LRP1B: variants seen among roughly 807,000 people sequenced by gnomAD.
LRP1B encodes low-density lipoprotein receptor-related protein 1B.
In LRP1B, 217 loss-of-function variants were observed where a neutral mutation model predicts 556.6. The observed-to-expected ratio is 0.39, with a 90% confidence interval of 0.35 to 0.44. The LOEUF (loss-of-function observed/expected upper bound fraction) is 0.44. Among genes scored for constraint, LRP1B ranks in the 20% least tolerant of loss-of-function variants. LRP1B has a pLI of 1.00. For missense variants in LRP1B, 5,053 were observed against 5,620.8 expected (o/e 0.90, Z 3.23); for synonymous variants, 2,047 against 1,865.8 (o/e 1.10, Z -2.50).
intron 1 of LRP1B, among the ~76,000 whole-genome samples, chr2:142,126,227 C>T (rs958127159): frequency 2.4e-4 from 37 of 151,320 alleles, no homozygotes; most frequent in African/African-American, 8.2e-4. Flanking sequence ...ATATTATATG[C>T]TATGAGTCAA....
intron 86 of LRP1B, among the ~76,000 whole-genome samples, chr2:140,252,714 A>C (rs1050294893): frequency 4.6e-5 from 7 of 152,100 alleles, no homozygotes; most frequent in African/African-American, 1.7e-4. Context: ...GAATTATCAC[A>C]CTGCCTTGGA....
At chr2:141,934,552 A>T (rs1700583676) in intron 1 of LRP1B, among the ~76,000 whole-genome samples, 4 of 152,060 alleles carry the variant, frequency 2.6e-5, no homozygotes, top group African/African-American at 7.2e-5. Context: ...TTACCCATTG[A>T]TATGGTTTGG....
chr2:140,613,339 A>ATAAT (rs1683136651), intron 41 of LRP1B, among the ~76,000 whole-genome samples: 1 of 141,980 alleles, frequency 7.0e-6, no homozygotes, highest in Non-Finnish European at 1.5e-5. Context: ...ATAATTATAT[A>ATAAT]CATATAAATA....
At chr2:140,721,596 G>T (rs1286903265) in intron 35 of LRP1B, among the ~76,000 whole-genome samples, 1 of 136,714 alleles carries the variant, frequency 7.3e-6, no homozygotes, top group Admixed American at 7.9e-5. Flanking sequence ...CGCCCAGCCT[G>T]GAGTGCAGTG....
intron 41 of LRP1B, among the ~76,000 whole-genome samples, chr2:140,685,239 G>A (rs1207508447): frequency 6.6e-6 from 1 of 152,100 alleles, no homozygotes; most frequent in Non-Finnish European, 1.5e-5. Flanking sequence ...TTACATGCTG[G>A]CTAGATTCTA....
intron 60 of LRP1B, among the ~76,000 whole-genome samples, chr2:140,473,629 C>G (rs915982719): frequency 4.6e-5 from 7 of 151,814 alleles, no homozygotes; most frequent in Non-Finnish European, 1.0e-4. Context: ...GCTATTCAGA[C>G]TTCAAAGACT....
At chr2:141,402,455 T>C (rs1365035172) in intron 3 of LRP1B, among the ~76,000 whole-genome samples, 1 of 152,016 alleles carries the variant, frequency 6.6e-6, no homozygotes, top group Non-Finnish European at 1.5e-5. Context: ...ATGAGACCAG[T>C]CAACCAAAAA....
At chr2:140,478,824 C>T (rs760539320) in intron 59 of LRP1B, among the ~76,000 whole-genome samples, 11 of 151,922 alleles carry the variant, frequency 7.2e-5, no homozygotes, top group East Asian at 1.9e-4. Flanking sequence ...ATGAAACAAA[C>T]GTAGAACATT....
intron 28 of LRP1B, 132 bp from the exon 29 acceptor site, chr2:140,850,461 C>T: frequency 3.5e-6 from 2 of 578,696 alleles, no homozygotes; most frequent in Non-Finnish European, 3.0e-6. Context: ...GGAAACAATG[C>T]AGTAACAATT....
chr2:140,272,536 G>T (rs987280414), intron 85 of LRP1B, among the ~76,000 whole-genome samples: 1 of 151,904 alleles, frequency 6.6e-6, no homozygotes, highest in African/African-American at 2.4e-5. Flanking sequence ...TTCATAGGCT[G>T]TGTATTAGAA....
rs1268779084 is a variant in LRP1B, at chr2:142,087,009, G to A, written c.82+43639C>T. Among the ~76,000 whole-genome samples the A allele has an allele frequency of 3.3e-5, 5 of 152,048 alleles. No individual in the cohort carries two copies. In the East Asian group the frequency reaches 9.6e-4, roughly 29 times the overall value. ...TCCTTCTGTGATTTTTCACATTGCAGGAGAGTGTTGATCTCTCGTTAGCTG... is the reference window on the plus strand; with the variant it reads ...TCCTTCTGTGATTTTTCACATTGCAAGAGAGTGTTGATCTCTCGTTAGCTG... On this transcript the variant is annotated intron_variant, in intron 1 of 90. Transcript: ENST00000389484.
chr2:141,221,203 G>A (rs1683022417), intron 6 of LRP1B, among the ~76,000 whole-genome samples: 1 of 151,404 alleles, frequency 6.6e-6, no homozygotes, highest in African/African-American at 2.4e-5. Context: ...AAGGGATGGA[G>A]GAAAATTTAT....
chr2:141,127,912 C>T (rs1701256190), intron 7 of LRP1B, among the ~76,000 whole-genome samples: 1 of 152,224 alleles, frequency 6.6e-6, no homozygotes, highest in Non-Finnish European at 1.5e-5. Flanking sequence ...CCTTGACTTA[C>T]ATGAGTCCAC....
At chr2:140,560,620 G>T (rs1574080313) in intron 43 of LRP1B, among the ~76,000 whole-genome samples, 1 of 152,040 alleles carries the variant, frequency 6.6e-6, no homozygotes, top group East Asian at 1.9e-4. Context: ...CAGAATTAAA[G>T]AACCTAAATA....
chr2:140,748,767 G>A (rs1559094543), intron 35 of LRP1B, among the ~76,000 whole-genome samples: 1 of 64,068 alleles, frequency 1.6e-5, no homozygotes, highest in Admixed American at 2.0e-4. Context: ...TTATATACAT[G>A]TATATAATAT....
At chr2:141,308,970 A>C (rs1686706051) in intron 3 of LRP1B, among the ~76,000 whole-genome samples, 1 of 152,220 alleles carries the variant, frequency 6.6e-6, no homozygotes, top group African/African-American at 2.4e-5. Flanking sequence ...GATATCAAAT[A>C]ATAAGGATTA....
At chr2:140,869,795 A>G (rs1312409208) in intron 25 of LRP1B, among the ~76,000 whole-genome samples, 1 of 152,104 alleles carries the variant, frequency 6.6e-6, no homozygotes, top group Non-Finnish European at 1.5e-5. Flanking sequence ...GGTTCCACTA[A>G]GTGAAAGGGA....
chr2:141,201,324 A>G lies in LRP1B; in HGVS notation c.851-12741T>C, dbSNP rs188881269. On this transcript the variant is annotated intron_variant, in intron 6 of 90. Coordinates refer to ENST00000389484, the MANE Select transcript of LRP1B (RefSeq NM_018557.3). ...TCCACTTATGCGTTAAAACTGCCAC[A>G]TCTTTTTACAGCCTTGCTGCTTGTG... is the stretch of plus-strand genomic sequence containing the variant. Among the ~76,000 whole-genome samples, 43 of 152,270 alleles carry G rather than the reference A, an allele frequency of 2.8e-4. No homozygotes were observed. In the East Asian group the frequency reaches 7.0e-3, roughly 25 times the overall value.
chr2:140,371,343 T>TA, intron 69 of LRP1B, 58 bp from the exon 70 acceptor site: 1 of 846,586 alleles, frequency 1.2e-6, no homozygotes, highest in Non-Finnish European at 1.8e-6. Flanking sequence ...GTTTTAGAAA[T>TA]AAAAACATAA....
Sources: gnomAD v4.1 joint callset for allele counts (sites outside exome capture counted in the v4.1 genomes callset) on GRCh38, gnomAD v4.1.1 for gene constraint, MANE v1.5 for transcripts, NCBI Gene and HGNC (gene_info 2026-07-23, HGNC 2026-07-21) for gene names.